Variants in MCM8 observed in about 807,000 individuals in gnomAD.
The protein encoded by MCM8 is DNA helicase MCM8.
In MCM8, 85 loss-of-function variants were observed where a neutral mutation model predicts 98.9. The observed-to-expected ratio is 0.86, with a 90% confidence interval of 0.72 to 1.03. The LOEUF is 1.03. Ranked by LOEUF, MCM8 falls within the 50% of genes least tolerant of loss-of-function variation. The pLI is 0.00. For missense variants in MCM8, 951 were observed against 997.8 expected, an observed-to-expected ratio of 0.95 and a Z score of 0.63; for synonymous variants, 352 against 338.6, an observed-to-expected ratio of 1.04 and a Z score of -0.44.
At position 5,995,607 on chromosome 20, in the gene MCM8, GATTGAAAAAGGGTATGTT is replaced by G. The variant is rs2089945978; in HGVS notation, c.*1219_*1236del. 6.6e-6 allele frequency: 1 copy of G among 152,182 alleles called. No individual in the cohort carries two copies. The highest frequency in any genetic ancestry group is 1.5e-5 in the Non-Finnish European group (1 of 68,018). The allele number at this position is 152,182 out of a possible 1,614,324, so 9.4% of individuals were successfully genotyped here. ...AAAGAAGTTGCATACAAAGACATCT[GATTGAAAAAGGGTATGTT>G]ATATGCCCCTTTCATAGGCTGCTAG... On this transcript the variant is annotated 3_prime_UTR_variant, in exon 19 of 19. Transcript: ENST00000610722.
At chr20:5,958,833 T>G in intron 7 of MCM8, 107 bp downstream of exon 7, 1 of 1,007,248 alleles carries the variant, frequency 9.9e-7, no homozygotes, top group Non-Finnish European at 1.4e-6. Flanking sequence ...TTTTTATTTT[T>G]TATTTTCAAT....
chr20:5,994,006 G>A (rs1363413028), intron 18 of MCM8: 2 of 352,990 alleles, frequency 5.7e-6, no homozygotes, highest in East Asian at 9.8e-5. Flanking sequence ...AACATGGGCT[G>A]TTACACATTA....
intron 7 of MCM8, among the ~76,000 whole-genome samples, chr20:5,960,984 A>G (rs2089128669): frequency 6.6e-6 from 1 of 152,186 alleles, no homozygotes; most frequent in South Asian, 2.1e-4. Context: ...AGCATTATAA[A>G]CATATTTCCT....
chr20:5,982,841 A>G (rs1037332354), intron 13 of MCM8, 129 bp from the exon 14 acceptor site: 7 of 751,136 alleles, frequency 9.3e-6, no homozygotes, highest in Admixed American at 6.3e-5. Context: ...TCTCCATTGT[A>G]TGACATTTTA....
chr20:5,973,459 C>T (rs750216681), intron 12 of MCM8, among the ~76,000 whole-genome samples: 4 of 152,216 alleles, frequency 2.6e-5, no homozygotes, highest in Non-Finnish European at 5.9e-5. Context: ...ATTTCTCTAA[C>T]CATTGTTTTG....
At position 5,987,302 on chromosome 20, in the gene MCM8, G is replaced by C; in HGVS notation, c.2184G>C (p.Leu728Phe). 6.2e-7 allele frequency: 1 copy of C among 1,613,384 alleles called. No individual in the cohort carries two copies. Among genetic ancestry groups the C allele is most frequent in the Non-Finnish European group, 8.5e-7 (1 of 1,179,726 alleles). Reference sequence around the variant, plus strand: ...TAAAGGCACGAGCAAGGTTGGAATTGAGAGAGGAAGCAACCAAAGAAGACG... The same window carrying C: ...TAAAGGCACGAGCAAGGTTGGAATTCAGAGAGGAAGCAACCAAAGAAGACG... ...RLTEARARLE[L>F]REEATKEDAE... is the part of the protein sequence containing the mutation. The change falls in exon 17 of 19, where the codon TTG becomes TTC. Residue 728 changes from leucine (L) to phenylalanine (F), a missense_variant. Physicochemically the swap from Leu to Phe is conservative, Grantham distance 22. Transcript: ENST00000610722.
At chr20:5,985,021 T>C (rs899420261) in intron 15 of MCM8, 21 bp downstream of exon 15, 1 of 1,593,580 alleles carries the variant, frequency 6.3e-7, no homozygotes. Context: ...TTCTTCTCCT[T>C]ATTCAGTTTG....
intron 10 of MCM8, among the ~76,000 whole-genome samples, chr20:5,969,894 C>T (rs1302336758): frequency 6.6e-6 from 1 of 152,144 alleles, no homozygotes; most frequent in Admixed American, 6.5e-5. Context: ...TCTTTGGTTC[C>T]TCTTAACAGT....
In MCM8 at chr20:5,998,832, CAA is replaced by C. The variant is rs2122874182; in HGVS notation, c.*4444_*4445del. On this transcript the variant is annotated 3_prime_UTR_variant, in exon 19 of 19. Transcript: ENST00000610722. The stretch of plus-strand genomic sequence containing the variant: ...ATTTAACCCTCAGAAGAACTGAAAA[CAA>C]AAGCTATACCAGGCTTGCTCTAGAG... 1 of 152,234 alleles carries C rather than the reference CAA, an allele frequency of 6.6e-6. No individual in the cohort carries two copies. Among genetic ancestry groups the C allele is most frequent in the African/African-American group, 2.4e-5 (1 of 41,532 alleles). 9.4% of individuals were successfully genotyped at this position (152,234 alleles called of 1,614,324 possible).
chr20:5,958,200 C>G (rs1353277521), intron 6 of MCM8, among the ~76,000 whole-genome samples: 1 of 152,174 alleles, frequency 6.6e-6, no homozygotes, highest in Admixed American at 6.5e-5. Flanking sequence ...GAAACCCTGT[C>G]TCTACTAAAA....
At chr20:5,990,215 C>T (rs944809490) in intron 17 of MCM8, among the ~76,000 whole-genome samples, 3 of 152,128 alleles carry the variant, frequency 2.0e-5, no homozygotes, top group Non-Finnish European at 4.4e-5. Context: ...GCTGGGATTA[C>T]AGGCACCTGC....
At chr20:5,984,594 AT>A (rs2089692134) in intron 14 of MCM8, among the ~76,000 whole-genome samples, 186 bp from the exon 15 acceptor site, 1 of 152,204 alleles carries the variant, frequency 6.6e-6, no homozygotes, top group Non-Finnish European at 1.5e-5. Flanking sequence ...GATACATGTA[AT>A]TCTTGTGCCC....
rs939357349 is a variant in MCM8 at position 5,994,784 on chromosome 20, C to G, written c.*393C>G. 6.8e-6 allele frequency: 3 copies of G among 443,480 alleles called. No individual in the cohort carries two copies. The highest frequency in any genetic ancestry group is 4.9e-5 in the Admixed American group (2 of 40,878). 27.5% of individuals were successfully genotyped at this position (443,480 alleles called of 1,614,324 possible). ...CTTAGCTGGGTATGGTGGCACATGC[C>G]TATAGTCTCAGCTACTTGTGAGGCT... On this transcript the variant is annotated 3_prime_UTR_variant, in exon 19 of 19. Transcript: ENST00000610722.
intron 8 of MCM8, among the ~76,000 whole-genome samples, 170 bp from the exon 9 acceptor site, chr20:5,967,266 T>A (rs1245443946): frequency 6.6e-6 from 1 of 152,252 alleles, no homozygotes. Context: ...TATGTTCATT[T>A]GGCTATCTTG....
chr20:5,951,443 G>A (rs554555711), intron 1 of MCM8, among the ~76,000 whole-genome samples: 1 of 134,810 alleles, frequency 7.4e-6, no homozygotes, highest in East Asian at 2.3e-4. Context: ...CAGCGTACAG[G>A]TATATCTTTA....
intron 15 of MCM8, 104 bp downstream of exon 15, chr20:5,985,104 GA>G: frequency 1.2e-6 from 1 of 845,718 alleles, no homozygotes; most frequent in Non-Finnish European, 1.8e-6. Context: ...TTTTTTACCA[GA>G]ACTTTTTAAT....
intron 17 of MCM8, among the ~76,000 whole-genome samples, chr20:5,989,878 G>T (rs1188399488): frequency 6.6e-6 from 1 of 152,154 alleles, no homozygotes; most frequent in Non-Finnish European, 1.5e-5. Flanking sequence ...CAACCGTGAG[G>T]TTCTACTGGC....
chr20:5,953,620 C>T (rs928255755), intron 3 of MCM8, among the ~76,000 whole-genome samples: 1 of 151,944 alleles, frequency 6.6e-6, no homozygotes, highest in Non-Finnish European at 1.5e-5. Flanking sequence ...ACTACAGGCA[C>T]CCGCCACCAC....
chr20:5,998,776 A>AT lies in MCM8; in HGVS notation c.*4386dup, dbSNP rs1455289176. ...GTACTATACTTAAAATTATAAGGCAATATTAATTCACAAAACTACCTACTC... is the reference window on the plus strand; with the variant it reads ...GTACTATACTTAAAATTATAAGGCAATTATTAATTCACAAAACTACCTACTC... On this transcript the variant is annotated 3_prime_UTR_variant, in exon 19 of 19. Coordinates refer to ENST00000610722, the MANE Select transcript of MCM8 (RefSeq NM_032485.6). 4.6e-5 allele frequency: 7 copies of AT among 152,344 alleles called. No individual in the cohort carries two copies. In the East Asian group the frequency reaches 1.4e-3, roughly 29 times the overall value. The allele number at this position is 152,344 out of a possible 1,614,324, so 9.4% of individuals were successfully genotyped here. A position where few individuals can be genotyped will look rare whatever the true frequency, so the allele number is the denominator to read the frequency against.
Sources: allele counts gnomAD v4.1 joint callset (sites outside exome capture counted in the v4.1 genomes callset), GRCh38; gene constraint gnomAD v4.1.1; transcripts MANE v1.5; gene names NCBI Gene and HGNC (gene_info 2026-07-23, HGNC 2026-07-21).